The following DOCK2 variants were observed in gnomAD, a reference collection of about 807,000 sequenced individuals.
The protein encoded by DOCK2 is dedicator of cytokinesis protein 2.
DOCK2 carries 87 observed loss-of-function variants against 248.9 expected under a neutral mutation model. The ratio of observed to expected loss-of-function variants is 0.35; its 90% confidence interval spans 0.29 to 0.42. The LOEUF (loss-of-function observed/expected upper bound fraction) is 0.42. Among genes scored for constraint, DOCK2 ranks in the 10% least tolerant of loss-of-function variants. DOCK2 has a pLI of 1.00. For synonymous variants in DOCK2, 805 were observed against 821.6 expected (o/e 0.98, Z 0.35); for missense variants, 1,747 against 2,300.2 (o/e 0.76, Z 4.92).
intron 27 of DOCK2, among the ~76,000 whole-genome samples, chr5:169,974,995 T>C (rs1777666104): frequency 6.6e-6 from 1 of 152,124 alleles, no homozygotes; most frequent in Non-Finnish European, 1.5e-5. Context: ...AACCAGAGAC[T>C]GGGAGCCTCC....
chr5:169,924,793 T>A (rs1775348875), intron 27 of DOCK2, among the ~76,000 whole-genome samples: 1 of 152,180 alleles, frequency 6.6e-6, no homozygotes, highest in Admixed American at 6.5e-5. Flanking sequence ...ATCTGAAGTA[T>A]CCTGGGACGC....
At chr5:169,674,487 C>T in intron 6 of DOCK2, 42 bp downstream of exon 6, 1 of 1,607,584 alleles carries the variant, frequency 6.2e-7, no homozygotes. Context: ...CTTCCCCCAG[C>T]CATCCTCTTT....
chr5:169,688,408 C>T (rs1760105546), intron 8 of DOCK2, among the ~76,000 whole-genome samples: 1 of 152,230 alleles, frequency 6.6e-6, no homozygotes, highest in South Asian at 2.1e-4. Context: ...GATACACATT[C>T]ATACAACATC....
chr5:169,769,191 A>T (rs972620067), intron 25 of DOCK2, among the ~76,000 whole-genome samples: 1 of 152,232 alleles, frequency 6.6e-6, no homozygotes. Context: ...ATGGCTCTAG[A>T]TTTAACCAGT....
chr5:169,891,995 CAAAA>C (rs571918885), intron 27 of DOCK2, among the ~76,000 whole-genome samples: 11 of 64,216 alleles, frequency 1.7e-4, no homozygotes, highest in Non-Finnish European at 2.8e-4. Context: ...GATTCCGTCC[CAAAA>C]AAAAAAAAAA....
At chr5:169,774,803 C>G (rs1475005009) in intron 25 of DOCK2, among the ~76,000 whole-genome samples, 1 of 152,214 alleles carries the variant, frequency 6.6e-6, no homozygotes, top group African/African-American at 2.4e-5. Flanking sequence ...TGGGAACCTT[C>G]TTTACTTCAC....
intron 15 of DOCK2, among the ~76,000 whole-genome samples, chr5:169,710,780 G>A (rs373777): frequency 0.79 from 119,495 of 152,084 alleles, 47,140 homozygotes; most frequent in East Asian, 0.98. Flanking sequence ...CAATGCCTTC[G>A]AATTGATGAC....
rs369793662 is a variant in DOCK2, at chr5:169,711,903, T to C, written c.1483-32T>C. 9 of 1,612,636 alleles carry C rather than the reference T, an allele frequency of 5.6e-6. No individual in the cohort carries two copies. The African/African-American group carries it at 1.2e-4, about 22-fold the overall frequency. The stretch of plus-strand genomic sequence containing the variant: ...GCAGTGGGGAGGGCCCTTTAACTCA[T>C]TGTGTTCTGAGCTCTGTTTCTGTCT... On this transcript the variant is annotated intron_variant, in intron 15 of 51. Coordinates refer to ENST00000520908, the MANE Select transcript of DOCK2 (RefSeq NM_004946.3).
At chr5:169,888,829 C>T (rs1773123440) in intron 27 of DOCK2, among the ~76,000 whole-genome samples, 1 of 152,218 alleles carries the variant, frequency 6.6e-6, no homozygotes. Context: ...CCATGAGACA[C>T]TTGTGAATTT....
At chr5:169,816,333 T>C (rs913953966) in intron 26 of DOCK2, among the ~76,000 whole-genome samples, 1 of 152,230 alleles carries the variant, frequency 6.6e-6, no homozygotes, top group African/African-American at 2.4e-5. Flanking sequence ...AGTTCTAGAA[T>C]GGACATTTTC....
rs149678773 is a variant in DOCK2, at chr5:169,653,417, C to G, written c.44-986C>G. Reference sequence around the variant, plus strand: ...GAGGGAAAGTGAGTCTGTTTTGTAGCTGTCACCAGCTAGAGCGGGTTTGGA... The same window carrying G: ...GAGGGAAAGTGAGTCTGTTTTGTAGGTGTCACCAGCTAGAGCGGGTTTGGA... On this transcript the variant is annotated intron_variant, in intron 1 of 51. Coordinates refer to ENST00000520908, the MANE Select transcript of DOCK2 (RefSeq NM_004946.3). 7.4e-4 allele frequency among the ~76,000 whole-genome samples: 112 copies of G among 152,330 alleles called. No homozygotes were observed. In the Middle Eastern group the frequency reaches 0.017, roughly 23 times the overall value.
rs943538659 is a variant in DOCK2, at chr5:169,764,861, T to A, written c.2554+3236T>A. Among the ~76,000 whole-genome samples the A allele has an allele frequency of 1.3e-5, 2 of 151,962 alleles. No homozygotes were observed. Among genetic ancestry groups the A allele is most frequent in the African/African-American group, 2.4e-5 (1 of 41,308 alleles). ...TGAACGTGTTTGTTGTTGTTGTTGT[T>A]GTTGTTGTTGTTTTCAATTTTTATT... On this transcript the variant is annotated intron_variant, in intron 25 of 51. Transcript: ENST00000520908. This position sits in a 1 kb window ranked among gnomAD's most constrained non-coding sequence, Gnocchi z 4.3.
chr5:169,826,562 G>T (rs1031663174), intron 26 of DOCK2, among the ~76,000 whole-genome samples: 1 of 152,148 alleles, frequency 6.6e-6, no homozygotes, highest in East Asian at 1.9e-4. Flanking sequence ...CATCATGATT[G>T]TGGGAAGATC....
chr5:169,902,470 C>T (rs1417219547), intron 27 of DOCK2, among the ~76,000 whole-genome samples: 4 of 152,234 alleles, frequency 2.6e-5, no homozygotes, highest in Non-Finnish European at 4.4e-5. Context: ...TTATCCACTA[C>T]GTGATTCTGT....
intron 32 of DOCK2, among the ~76,000 whole-genome samples, chr5:170,016,079 C>T (rs1002063331): frequency 6.6e-6 from 1 of 152,132 alleles, no homozygotes; most frequent in Non-Finnish European, 1.5e-5. Context: ...TCATGGGACC[C>T]CTTTCCACCC....
chr5:169,849,520 A>C (rs1046684225), intron 27 of DOCK2, among the ~76,000 whole-genome samples: 2 of 152,270 alleles, frequency 1.3e-5, no homozygotes, highest in Non-Finnish European at 2.9e-5. Flanking sequence ...GAATCTAATG[A>C]GATCACCTAT....
rs1425458901 is a variant in DOCK2, at chr5:169,875,200, G to A, written c.2799+34348G>A. The A allele has an allele frequency of 2.8e-5, 13 of 456,448 alleles. No individual in the cohort carries two copies. In the East Asian group the frequency reaches 9.0e-4, roughly 32 times the overall value. 28.3% of individuals were successfully genotyped at this position (456,448 alleles called of 1,614,324 possible). ...ATTTTTTACCTAAAAAAATCCTTCT[G>A]CTTTATTTGAACCAACCATTCCCAG... is the stretch of plus-strand genomic sequence containing the variant. On this transcript the variant is annotated intron_variant, in intron 27 of 51. Coordinates refer to ENST00000520908, the MANE Select transcript of DOCK2 (RefSeq NM_004946.3).
At chr5:170,026,820 C>G (rs1053334140) in intron 33 of DOCK2, among the ~76,000 whole-genome samples, 2 of 152,188 alleles carry the variant, frequency 1.3e-5, no homozygotes, top group African/African-American at 4.8e-5. Context: ...TGATCACTTA[C>G]CTAATCTGAT....
chr5:169,816,134 A>G (rs113892742), intron 26 of DOCK2, among the ~76,000 whole-genome samples: 3 of 152,174 alleles, frequency 2.0e-5, no homozygotes, highest in African/African-American at 7.2e-5. Context: ...TGAGGGAACT[A>G]TAACTTTGAT....
Sources: allele counts gnomAD v4.1 joint callset (sites outside exome capture counted in the v4.1 genomes callset), GRCh38; gene constraint gnomAD v4.1.1; non-coding constraint Gnocchi (gnomAD v3.1); transcripts MANE v1.5; gene names NCBI Gene and HGNC (gene_info 2026-07-23, HGNC 2026-07-21).